MRPL50: variants seen among roughly 807,000 people sequenced by gnomAD.
The protein encoded by MRPL50 is mitochondrial ribosomal protein L50, also known as large ribosomal subunit protein mL50.
MRPL50 carries 10 observed loss-of-function variants against 16.2 expected under a neutral mutation model. That is an observed-to-expected ratio of 0.62 (90% CI 0.38 to 1.05). The LOEUF is 1.05. Ranked by LOEUF, MRPL50 falls within the 50% of genes least tolerant of loss-of-function variation. MRPL50 has a pLI of 0.01. For missense variants in MRPL50, 213 were observed against 187.1 expected (o/e 1.14, Z -0.81); for synonymous variants, 68 against 66.8 (o/e 1.02, Z -0.09).
At chr9:101,396,510 T>C (rs1212074919) in intron 1 of MRPL50, among the ~76,000 whole-genome samples, 7 of 152,160 alleles carry the variant, frequency 4.6e-5, no homozygotes, top group African/African-American at 1.4e-4. Flanking sequence ...CTTGCATATA[T>C]ACACACACAA....
chr9:101,392,723 A>C (rs777359769), intron 1 of MRPL50, among the ~76,000 whole-genome samples: 1 of 152,104 alleles, frequency 6.6e-6, no homozygotes, highest in Non-Finnish European at 1.5e-5. Context: ...AATGCCAATC[A>C]ATACGAATTC....
chr9:101,398,446 C>T (rs1285828150), intron 1 of MRPL50, 55 bp downstream of exon 1: 2 of 1,523,564 alleles, frequency 1.3e-6, no homozygotes, highest in Non-Finnish European at 1.8e-6. Context: ...GAATTCGTCC[C>T]TAATCCTCCT....
chr9:101,393,053 T>C (rs1045715559), intron 1 of MRPL50, among the ~76,000 whole-genome samples: 2 of 152,072 alleles, frequency 1.3e-5, no homozygotes, highest in African/African-American at 2.4e-5. Flanking sequence ...GTTCAACATA[T>C]GCAAATCAAC....
Position 101,390,613 on chromosome 9 carries a change from A to G in MRPL50, c.330T>C (p.His110=). 3.1e-6 allele frequency: 5 copies of G among 1,613,544 alleles called. No individual in the cohort carries two copies. The highest frequency in any genetic ancestry group is 3.4e-6 in the Non-Finnish European group (4 of 1,179,552). The change falls in exon 2 of 2, where the codon CAT becomes CAC. Residue 110 remains histidine (H), a synonymous_variant. Transcript: ENST00000374865. ...GGTGGAGTCTGGAGTTAGGGACTAC[A>G]TGACCCAAGTCATCAGCTAAATGAG... is the stretch of plus-strand genomic sequence containing the variant. The part of the protein sequence containing the change: ...LLAHLADDLG[H]VVPNSRLHQM...
At chr9:101,398,131 T>C (rs1830387551) in intron 1 of MRPL50, among the ~76,000 whole-genome samples, 1 of 152,220 alleles carries the variant, frequency 6.6e-6, no homozygotes, top group Non-Finnish European at 1.5e-5. Context: ...TTACTGAACC[T>C]TGCTTGTGAA....
In MRPL50 at chr9:101,390,285, G is replaced by C; in HGVS notation, c.*181C>G. ...GTTTCAGCAAATATGAAAATAGAAA[G>C]TCCGTTATTTGTCCATTTGTAATAT... On this transcript the variant is annotated 3_prime_UTR_variant, in exon 2 of 2. Transcript: ENST00000374865. 2 of 1,301,300 alleles carry C rather than the reference G, an allele frequency of 1.5e-6. No homozygotes were observed. Among genetic ancestry groups the C allele is most frequent in the Middle Eastern group, 2.9e-4 (1 of 3,426 alleles). The allele number at this position is 1,301,300 out of a possible 1,614,324, so 80.6% of individuals were successfully genotyped here.
rs886382944 is a variant in MRPL50, at chr9:101,390,053, G to A, written c.*413C>T. The stretch of plus-strand genomic sequence containing the variant: ...ACATACTTTTATGTTTCTTTTATAG[G>A]TATCTATCTAATAAAAGTTTATTTG... On this transcript the variant is annotated 3_prime_UTR_variant, in exon 2 of 2. Coordinates refer to ENST00000374865, the MANE Select transcript of MRPL50 (RefSeq NM_019051.3). 2.4e-5 allele frequency: 23 copies of A among 954,582 alleles called. No homozygotes were observed. Among genetic ancestry groups the A allele is most frequent in the Non-Finnish European group, 2.9e-5 (23 of 800,266 alleles). The allele number at this position is 954,582 out of a possible 1,614,324, so 59.1% of individuals were successfully genotyped here. A position where few individuals can be genotyped will look rare whatever the true frequency, so the allele number is the denominator to read the frequency against.
intron 1 of MRPL50, among the ~76,000 whole-genome samples, chr9:101,396,767 C>A (rs1830346540): frequency 6.6e-6 from 1 of 151,910 alleles, no homozygotes; most frequent in African/African-American, 2.4e-5. Context: ...CATGGAGAAA[C>A]CCTGTCTCTA....
At chr9:101,396,753 C>T (rs964200466) in intron 1 of MRPL50, among the ~76,000 whole-genome samples, 7 of 151,962 alleles carry the variant, frequency 4.6e-5, no homozygotes, top group Admixed American at 1.3e-4. Context: ...ACCATTCTGG[C>T]CAACATGGAG....
chr9:101,397,167 A>C (rs73494939), intron 1 of MRPL50, among the ~76,000 whole-genome samples: 2,564 of 152,240 alleles, frequency 0.017, 78 homozygotes, highest in African/African-American at 0.058. Flanking sequence ...CACACACACA[A>C]AAATTCTAAC....
In MRPL50 at chr9:101,389,996, A is replaced by G. The variant is rs1220670779; in HGVS notation, c.*470T>C. Reference sequence around the variant, plus strand: ...TTAACAAATCTACTTTAATTCTAAAAGAAATTAATCTAGAACTGTCAGTAA... The same window carrying G: ...TTAACAAATCTACTTTAATTCTAAAGGAAATTAATCTAGAACTGTCAGTAA... On this transcript the variant is annotated 3_prime_UTR_variant, in exon 2 of 2. Transcript: ENST00000374865. The G allele has an allele frequency of 2.2e-6, 2 of 921,308 alleles. No homozygotes were observed. The highest frequency in any genetic ancestry group is 2.6e-6 in the Non-Finnish European group (2 of 771,196). 57.1% of individuals were successfully genotyped at this position (921,308 alleles called of 1,614,324 possible).
intron 1 of MRPL50, among the ~76,000 whole-genome samples, chr9:101,394,478 A>G (rs1378418901): frequency 6.6e-6 from 1 of 151,538 alleles, no homozygotes; most frequent in East Asian, 1.9e-4. Flanking sequence ...ACCAATCAAC[A>G]CTCCCCATTT....
intron 1 of MRPL50, among the ~76,000 whole-genome samples, chr9:101,395,450 G>C (rs1340152730): frequency 6.6e-6 from 1 of 152,112 alleles, no homozygotes; most frequent in Non-Finnish European, 1.5e-5. Flanking sequence ...CAGTCTAACA[G>C]AGATATCTGT....
rs928950312 is a variant in MRPL50 at position 101,388,737 on chromosome 9, C to T, written c.*1729G>A. 5.9e-5 allele frequency: 9 copies of T among 152,122 alleles called. No homozygotes were observed. The highest frequency in any genetic ancestry group is 2.2e-4 in the African/African-American group (9 of 41,430). The allele number at this position is 152,122 out of a possible 1,614,324, so 9.4% of individuals were successfully genotyped here. A position where few individuals can be genotyped will look rare whatever the true frequency, so the allele number is the denominator to read the frequency against. On this transcript the variant is annotated 3_prime_UTR_variant, in exon 2 of 2. Coordinates refer to ENST00000374865, the MANE Select transcript of MRPL50 (RefSeq NM_019051.3). ...TCCTTGTTGGTTAAATTTACCAAGA[C>T]TGTGTGTTCCCCATCTGTGGATTCA...
At position 101,398,563 on chromosome 9, in the gene MRPL50, G is replaced by A; in HGVS notation, c.30C>T (p.Thr10=). Reference sequence around the variant, plus strand: ...AGACTGTCCACATGAAGACTCTTCTGGTAATGCCCGACACAGATCGCGCCG... The same window carrying A: ...AGACTGTCCACATGAAGACTCTTCTAGTAATGCCCGACACAGATCGCGCCG... MAARSVSGI[T]RRVFMWTVSG... Residue 10 remains threonine (T), a synonymous_variant, in exon 1 of 2, where the codon ACC becomes ACT. Coordinates refer to ENST00000374865, the MANE Select transcript of MRPL50 (RefSeq NM_019051.3). The A allele has an allele frequency of 6.2e-7, 1 of 1,613,978 alleles. No homozygotes were observed. Among genetic ancestry groups the A allele is most frequent in the Non-Finnish European group, 8.5e-7 (1 of 1,180,030 alleles).
chr9:101,395,008 G>C (rs1216759940), intron 1 of MRPL50, among the ~76,000 whole-genome samples: 1 of 152,166 alleles, frequency 6.6e-6, no homozygotes, highest in South Asian at 2.1e-4. Context: ...TAGAGAATAG[G>C]AGAAAAATTG....
intron 1 of MRPL50, 139 bp downstream of exon 1, chr9:101,398,362 T>A: frequency 1.4e-6 from 1 of 730,550 alleles, no homozygotes. Context: ...GCTTCTCAAC[T>A]CGGGACCCTA....
chr9:101,397,662 G>T (rs1200222684), intron 1 of MRPL50, among the ~76,000 whole-genome samples: 1 of 152,172 alleles, frequency 6.6e-6, no homozygotes, highest in Non-Finnish European at 1.5e-5. Context: ...AGATTTGAGA[G>T]ATAATAACAA....
rs1182031661 is a variant in MRPL50 at position 101,390,070 on chromosome 9, GTTTA to G, written c.*392_*395del. On this transcript the variant is annotated 3_prime_UTR_variant, in exon 2 of 2. Transcript: ENST00000374865. ...TTTTATAGGTATCTATCTAATAAAA[GTTTA>G]TTTGTGTATGTGCAATGCATAACTC... The G allele has an allele frequency of 5.9e-5, 58 of 980,638 alleles. No individual in the cohort carries two copies. Among genetic ancestry groups the G allele is most frequent in the Non-Finnish European group, 5.7e-5 (47 of 823,308 alleles). 60.7% of individuals were successfully genotyped at this position (980,638 alleles called of 1,614,324 possible). A position where few individuals can be genotyped will look rare whatever the true frequency, so the allele number is the denominator to read the frequency against.
Sources: gnomAD v4.1 joint callset for allele counts (sites outside exome capture counted in the v4.1 genomes callset) on GRCh38, gnomAD v4.1.1 for gene constraint, MANE v1.5 for transcripts, NCBI Gene and HGNC (gene_info 2026-07-23, HGNC 2026-07-21) for gene names.